The following LPP variants were observed in gnomAD, a reference collection of about 807,000 sequenced individuals.
LPP encodes the protein LIM domain containing preferred translocation partner in lipoma, also known as lipoma-preferred partner.
In LPP, 38 loss-of-function variants were observed where a neutral mutation model predicts 60.4. The ratio of observed to expected loss-of-function variants is 0.63; its 90% CI spans 0.49 to 0.83. The LOEUF is 0.83. LPP is among the 40% of genes least tolerant of loss of function. The pLI is 0.00. For synonymous variants in LPP, 328 were observed against 290.8 expected, an observed-to-expected ratio of 1.13 and a Z score of -1.30; for missense variants, 902 against 783.6, an observed-to-expected ratio of 1.15 and a Z score of -1.80.
At chr3:188,727,395 G>A (rs1354170236) in intron 8 of LPP, among the ~76,000 whole-genome samples, 2 of 152,096 alleles carry the variant, frequency 1.3e-5, no homozygotes, top group African/African-American at 4.8e-5. Context: ...ACCAATTTCT[G>A]GTGATGACCA....
chr3:188,741,410 A>G (rs924290358), intron 8 of LPP, among the ~76,000 whole-genome samples: 1 of 152,082 alleles, frequency 6.6e-6, no homozygotes, highest in Non-Finnish European at 1.5e-5. Context: ...TAGTTGAACT[A>G]TTGTGCATCC....
intron 9 of LPP, among the ~76,000 whole-genome samples, chr3:188,855,966 G>C (rs998660177): frequency 2.0e-5 from 3 of 152,142 alleles, no homozygotes; most frequent in Non-Finnish European, 4.4e-5. Context: ...GCTGGGGTTG[G>C]TTAGCACTGT....
chr3:188,450,222 A>T (rs1462247332), intron 4 of LPP, among the ~76,000 whole-genome samples: 1 of 152,212 alleles, frequency 6.6e-6, no homozygotes, highest in African/African-American at 2.4e-5. Flanking sequence ...TTTTCTACAG[A>T]TGAGAAAACA....
At chr3:188,369,700 T>G (rs1578387916) in intron 3 of LPP, among the ~76,000 whole-genome samples, 1 of 152,192 alleles carries the variant, frequency 6.6e-6, no homozygotes, top group Non-Finnish European at 1.5e-5. Context: ...GCAACTCTAG[T>G]GTACCAATGA....
chr3:188,862,741 G>GAAAAAAAAAAAAAAAAAAAAAAAAAAAAT (rs1560308504), intron 9 of LPP, among the ~76,000 whole-genome samples: 1 of 105,628 alleles, frequency 9.5e-6, no homozygotes, highest in Admixed American at 1.1e-4. Flanking sequence ...ATAAATAAAA[G>GAAAAAAAAAAAAAAAAAAAAAAAAAAAAT]AAAAAAGAAA....
chr3:188,433,326 G>C (rs1012294883), intron 4 of LPP, among the ~76,000 whole-genome samples: 3 of 152,112 alleles, frequency 2.0e-5, no homozygotes, highest in African/African-American at 7.2e-5. Context: ...ACAGTTGTGA[G>C]AGGGTTAAGA....
chr3:188,541,656 G>A (rs1359179955), intron 6 of LPP, among the ~76,000 whole-genome samples: 3 of 152,050 alleles, frequency 2.0e-5, no homozygotes, highest in Non-Finnish European at 4.4e-5. Flanking sequence ...CAGCACTTTG[G>A]GAAGCTGGGA....
At chr3:188,323,690 C>T (rs1757571750) in intron 2 of LPP, among the ~76,000 whole-genome samples, 1 of 152,212 alleles carries the variant, frequency 6.6e-6, no homozygotes, top group Admixed American at 6.5e-5. Context: ...GTCCTTATTG[C>T]TATGCTGCTA....
chr3:188,377,311 G>T (rs1477337554), intron 3 of LPP, among the ~76,000 whole-genome samples: 8 of 152,130 alleles, frequency 5.3e-5, no homozygotes, highest in African/African-American at 1.7e-4. Context: ...TTTCCAACTT[G>T]GTTTCATTCT....
At chr3:188,602,392 T>C (rs978169679) in intron 6 of LPP, among the ~76,000 whole-genome samples, 5 of 151,266 alleles carry the variant, frequency 3.3e-5, no homozygotes, top group African/African-American at 1.2e-4. Context: ...AATTTTTGCA[T>C]AGAGCCAAAA....
At chr3:188,707,887 T>C (rs1345745778) in intron 7 of LPP, among the ~76,000 whole-genome samples, 1 of 152,238 alleles carries the variant, frequency 6.6e-6, no homozygotes, top group Non-Finnish European at 1.5e-5. Context: ...GCAGCTGTTT[T>C]TCTTTAATTA....
chr3:188,668,702 C>A (rs1456187423), intron 7 of LPP, among the ~76,000 whole-genome samples: 1 of 152,184 alleles, frequency 6.6e-6, no homozygotes, highest in East Asian at 1.9e-4. Flanking sequence ...ATCACTGAGT[C>A]ATTTGCTGTT....
At chr3:188,641,119 C>G (rs185307811) in intron 7 of LPP, among the ~76,000 whole-genome samples, 10 of 151,910 alleles carry the variant, frequency 6.6e-5, no homozygotes, top group African/African-American at 2.2e-4. Flanking sequence ...CTCCACATTT[C>G]TGATTTGCAG....
At chr3:188,410,471 C>A (rs529216220) in intron 4 of LPP, among the ~76,000 whole-genome samples, 21 of 152,246 alleles carry the variant, frequency 1.4e-4, no homozygotes, top group African/African-American at 5.1e-4. Context: ...TTTATAATTT[C>A]TTTTATAAGA....
At chr3:188,164,903 A>G (rs960868567) in intron 1 of LPP, among the ~76,000 whole-genome samples, 1 of 152,068 alleles carries the variant, frequency 6.6e-6, no homozygotes, top group African/African-American at 2.4e-5. Flanking sequence ...GACGATGGAA[A>G]CGTGAATGCA....
intron 8 of LPP, among the ~76,000 whole-genome samples, chr3:188,734,185 T>C (rs1721675541): frequency 6.6e-6 from 1 of 152,236 alleles, no homozygotes; most frequent in African/African-American, 2.4e-5. Flanking sequence ...ATGCCTCTCC[T>C]TGACTTTATC....
At chr3:188,457,856 C>A (rs1307328164) in intron 4 of LPP, among the ~76,000 whole-genome samples, 1 of 151,862 alleles carries the variant, frequency 6.6e-6, no homozygotes, top group African/African-American at 2.4e-5. Flanking sequence ...TTGCAGTGAT[C>A]CGAGATCACG....
intron 6 of LPP, among the ~76,000 whole-genome samples, chr3:188,563,460 A>ATGTGTGTGTGTGTG (rs59514913): frequency 0.081 from 11,437 of 141,824 alleles, 497 homozygotes; most frequent in Non-Finnish European, 0.089. Flanking sequence ...TTACATATAT[A>ATGTGTGTGTGTGTG]TGTGTGTGTG....
intron 7 of LPP, among the ~76,000 whole-genome samples, chr3:188,693,565 A>T (rs1017981147): frequency 1.3e-5 from 2 of 152,136 alleles, no homozygotes; most frequent in Non-Finnish European, 2.9e-5. Context: ...CAACAAGAAG[A>T]CCATAGGGCT....
Sources: gnomAD v4.1 joint callset for allele counts (sites outside exome capture counted in the v4.1 genomes callset) on GRCh38, gnomAD v4.1.1 for gene constraint, MANE v1.5 for transcripts, NCBI Gene and HGNC (gene_info 2026-07-23, HGNC 2026-07-21) for gene names.